WDR72: variants seen among roughly 807,000 people sequenced by gnomAD.
WDR72 encodes WD repeat-containing protein 72.
In WDR72, 120 loss-of-function variants were observed where a neutral mutation model predicts 124.2. That is an observed-to-expected ratio of 0.97 (90% CI 0.83 to 1.12). The LOEUF (loss-of-function observed/expected upper bound fraction) is 1.12, where lower values mean the gene tolerates loss of function less well. Among genes scored for constraint, WDR72 ranks in the 50% most tolerant of loss-of-function variants. The pLI, the probability that WDR72 is intolerant of heterozygous loss-of-function variation, is 0.00. For synonymous variants in WDR72, 452 were observed against 441.7 expected (o/e 1.02, Z -0.29); for missense variants, 1,387 against 1,278.8 (o/e 1.08, Z -1.29).
chr15:53,554,935 C>T (rs551732747), intron 18 of WDR72, among the ~76,000 whole-genome samples: 21 of 152,076 alleles, frequency 1.4e-4, no homozygotes, highest in Non-Finnish European at 2.6e-4. Flanking sequence ...CCCACCATAA[C>T]TAATTTCAAG....
At chr15:53,691,471 G>T (rs765643373) in intron 13 of WDR72, among the ~76,000 whole-genome samples, 34 of 152,164 alleles carry the variant, frequency 2.2e-4, no homozygotes, top group Non-Finnish European at 2.8e-4. Context: ...TTCCCATTCT[G>T]TAGATTGTCT....
At chr15:53,750,645 G>A (rs2018751882) in intron 1 of WDR72, among the ~76,000 whole-genome samples, 1 of 152,180 alleles carries the variant, frequency 6.6e-6, no homozygotes, top group South Asian at 2.1e-4. Context: ...AAAACTTTCT[G>A]GAAAAGGTTC....
chr15:53,715,616 G>A (rs1412523312), intron 4 of WDR72, among the ~76,000 whole-genome samples: 1 of 151,962 alleles, frequency 6.6e-6, no homozygotes, highest in East Asian at 1.9e-4. Flanking sequence ...TCTAAATCAT[G>A]GAAAGCTCAC....
rs1336036113 is a variant in WDR72 at position 53,722,660 on chromosome 15, C to T, written c.260+142G>A. On this transcript the variant is annotated intron_variant, in intron 3 of 19. Coordinates refer to ENST00000360509, the MANE Select transcript of WDR72 (RefSeq NM_182758.4). Reference sequence around the variant, plus strand: ...GGGATCATCACACAAGTTATTCAAACTTTCTATATCTAAATGTTCCTATAT... The same window carrying T: ...GGGATCATCACACAAGTTATTCAAATTTTCTATATCTAAATGTTCCTATAT... 3 of 732,110 alleles carry T rather than the reference C, an allele frequency of 4.1e-6. No homozygotes were observed. The Admixed American group carries it at 6.4e-5, about 16-fold the overall frequency. The allele number at this position is 732,110 out of a possible 1,614,324, so 45.4% of individuals were successfully genotyped here.
chr15:53,596,221 C>T lies in WDR72; in HGVS notation c.3148+858G>A, dbSNP rs116101682. On this transcript the variant is annotated intron_variant, in intron 18 of 19. Transcript: ENST00000360509. ...GTAAATTTATAACATGTTTTCCTGACAAAAACACATATTTAATCACATGAT... is the reference window on the plus strand; with the variant it reads ...GTAAATTTATAACATGTTTTCCTGATAAAAACACATATTTAATCACATGAT... Among the ~76,000 whole-genome samples, 697 of 152,150 alleles carry T rather than the reference C, an allele frequency of 4.6e-3. 6 individuals carry two copies. The highest frequency in any genetic ancestry group is 0.016 in the African/African-American group (680 of 41,528).
chr15:53,636,319 C>T (rs2014622259), intron 14 of WDR72, among the ~76,000 whole-genome samples: 2 of 152,108 alleles, frequency 1.3e-5, no homozygotes, highest in South Asian at 2.1e-4. Context: ...ACCTGATCTG[C>T]TATGCTAAAA....
At chr15:53,739,973 A>C (rs1411422413) in intron 1 of WDR72, among the ~76,000 whole-genome samples, 1 of 152,222 alleles carries the variant, frequency 6.6e-6, no homozygotes, top group African/African-American at 2.4e-5. Flanking sequence ...AGGAGAAGGA[A>C]ATTCCGAGGA....
Position 53,615,610 on chromosome 15 carries a change from T to G in WDR72, c.2596A>C (p.Lys866Gln), listed in dbSNP as rs540230903. 4 of 1,612,722 alleles carry G rather than the reference T, an allele frequency of 2.5e-6. No individual in the cohort carries two copies. The East Asian group carries it at 8.9e-5, about 36-fold the overall frequency. Residue 866 changes from lysine to glutamine, a missense_variant, in exon 15 of 20, where the codon AAA becomes CAA. Lys to Gln is a moderately conservative substitution (Grantham distance 53). Coordinates refer to ENST00000360509, the MANE Select transcript of WDR72 (RefSeq NM_182758.4). ...DYSGVNLFSR[K>Q]VLDLSDKYTA... ...TATTTATCTGACAAGTCCAAAACTT[T>G]CCTGGAAAATAAATTTACTCCTGAA...
chr15:53,666,376 T>A (rs1449001579), intron 13 of WDR72, among the ~76,000 whole-genome samples: 1 of 152,120 alleles, frequency 6.6e-6, no homozygotes, highest in Non-Finnish European at 1.5e-5. Context: ...TCTTCCAGTT[T>A]CAGAATTTAG....
At chr15:53,634,051 AAAGTT>A (rs1288638317) in intron 14 of WDR72, among the ~76,000 whole-genome samples, 1 of 152,258 alleles carries the variant, frequency 6.6e-6, no homozygotes, top group East Asian at 1.9e-4. Context: ...TCAGTAATAA[AAAGTT>A]AAGTTTTGAA....
At chr15:53,592,932 C>T (rs1466258791) in intron 18 of WDR72, among the ~76,000 whole-genome samples, 3 of 152,068 alleles carry the variant, frequency 2.0e-5, no homozygotes, top group South Asian at 2.1e-4. Flanking sequence ...ATTATAAAAA[C>T]GTTAACTTAG....
chr15:53,531,360 T>C (rs776316737), intron 18 of WDR72, among the ~76,000 whole-genome samples: 19 of 152,086 alleles, frequency 1.2e-4, no homozygotes, highest in Non-Finnish European at 2.2e-4. Flanking sequence ...ACACAAGACA[T>C]AGAAAGCATA....
intron 12 of WDR72, 64 bp downstream of exon 12, chr15:53,702,070 A>C: frequency 8.0e-7 from 1 of 1,257,676 alleles, no homozygotes; most frequent in African/African-American, 1.5e-5. Context: ...TACTTGTCTT[A>C]TTAAGTATTC....
chr15:53,581,633 T>C (rs549172922), intron 18 of WDR72, among the ~76,000 whole-genome samples: 2 of 152,196 alleles, frequency 1.3e-5, no homozygotes, highest in Admixed American at 6.6e-5. Context: ...TTTTCAATTA[T>C]TGCTGTGTAG....
chr15:53,646,381 T>C (rs2015043170), intron 14 of WDR72, among the ~76,000 whole-genome samples: 1 of 152,120 alleles, frequency 6.6e-6, no homozygotes, highest in African/African-American at 2.4e-5. Context: ...ATTTCTGTGG[T>C]GCAGATTCAG....
intron 18 of WDR72, among the ~76,000 whole-genome samples, chr15:53,573,955 G>A (rs1894661389): frequency 1.3e-5 from 2 of 152,092 alleles, no homozygotes; most frequent in South Asian, 4.1e-4. Context: ...CATATCCTCT[G>A]GAAAGTCAGC....
chr15:53,631,011 G>C (rs1470709036), intron 14 of WDR72, among the ~76,000 whole-genome samples: 1 of 152,212 alleles, frequency 6.6e-6, no homozygotes, highest in Non-Finnish European at 1.5e-5. Flanking sequence ...AGTTTAGCAA[G>C]GTTGTAGTAC....
chr15:53,705,971 T>C lies in WDR72; in HGVS notation c.1058A>G (p.His353Arg). Residue 353 changes from histidine (H) to arginine (R), a missense_variant, in exon 10 of 20, where the codon CAC (histidine) becomes CGC (arginine). Transcript: ENST00000360509. Reference sequence around the variant, plus strand: ...CTTGGATACAGGAACATCAGGGATGTGCCACAAAGTAATTCTTCCTGAGAC... The same window carrying C: ...CTTGGATACAGGAACATCAGGGATGCGCCACAAAGTAATTCTTCCTGAGAC... ...GEVSGRITLW[H>R]IPDVPVSKFD... The C allele has an allele frequency of 6.2e-7, 1 of 1,614,114 alleles. No homozygotes were observed.
chr15:53,712,920 C>T, intron 6 of WDR72, 29 bp from the exon 7 acceptor site: 8 of 1,611,226 alleles, frequency 5.0e-6, no homozygotes, highest in Non-Finnish European at 6.8e-6. Context: ...TCTTTTAGTA[C>T]TAGTTCCAGG....
Sources: allele counts gnomAD v4.1 joint callset (sites outside exome capture counted in the v4.1 genomes callset), GRCh38; gene constraint gnomAD v4.1.1; transcripts MANE v1.5; gene names NCBI Gene and HGNC (gene_info 2026-07-23, HGNC 2026-07-21).